CCDC134: variants seen among roughly 807,000 people sequenced by gnomAD.
CCDC134 encodes coiled-coil domain containing 134, also known as coiled-coil domain-containing protein 134.
In CCDC134, 27 loss-of-function variants were observed where a neutral mutation model predicts 25.6. The observed-to-expected ratio is 1.05, with a 90% CI of 0.78 to 1.45. The LOEUF (loss-of-function observed/expected upper bound fraction) is 1.45, where lower values mean the gene tolerates loss of function less well. Among genes scored for constraint, CCDC134 ranks in the 40% most tolerant of loss-of-function variants. The pLI is 0.00. For synonymous variants in CCDC134, 110 were observed against 115.0 expected (o/e 0.96, Z 0.28); for missense variants, 261 against 286.7 (o/e 0.91, Z 0.65).
At chr22:41,805,090 G>C (rs1251910447) in intron 1 of CCDC134, among the ~76,000 whole-genome samples, 1 of 151,896 alleles carries the variant, frequency 6.6e-6, no homozygotes, top group South Asian at 2.1e-4. Context: ...AAAAGAGAGA[G>C]AGCAAAGTCT....
At position 41,809,991 on chromosome 22, in the gene CCDC134, G is replaced by T. The variant is rs2076586596; in HGVS notation, c.216G>T (p.Gly72=). ...QYKILDVMLK[G]LFKVLEDSRT... ...AGATCCTTGATGTCATGCTCAAGGG[G>T]CTCTTTAAGGTGTGTGCAGGCAGGG... is the stretch of plus-strand genomic sequence containing the variant. The change falls in exon 3 of 7, where the codon GGG becomes GGT. Residue 72 remains glycine (G), a synonymous_variant. Coordinates refer to ENST00000255784, the MANE Select transcript of CCDC134 (RefSeq NM_024821.5). 6.2e-7 allele frequency: 1 copy of T among 1,614,000 alleles called. No homozygotes were observed. The highest frequency in any genetic ancestry group is 8.5e-7 in the Non-Finnish European group (1 of 1,180,026).
intron 6 of CCDC134, among the ~76,000 whole-genome samples, chr22:41,821,015 C>T (rs1047577451): frequency 2.0e-5 from 3 of 152,066 alleles, no homozygotes; most frequent in Non-Finnish European, 2.9e-5. Context: ...GAGGAAGCAG[C>T]GAGAACCCGC....
At position 41,808,952 on chromosome 22, in the gene CCDC134, C is replaced by T. The variant is rs1602236340; in HGVS notation, c.62C>T (p.Thr21Ile). Residue 21 changes from threonine (T) to isoleucine (I), a missense_variant, in exon 2 of 7, where the codon ACA becomes ATA. Coordinates refer to ENST00000255784, the MANE Select transcript of CCDC134 (RefSeq NM_024821.5). Reference sequence around the variant, plus strand: ...CTGCTTTTGTCTGGGATGGGAGCCACAGGCACCTTGAGGACCTCCCTGGAC... The same window carrying T: ...CTGCTTTTGTCTGGGATGGGAGCCATAGGCACCTTGAGGACCTCCCTGGAC... ...FVLLLSGMGA[T>I]GTLRTSLDPS... The T allele has an allele frequency of 1.9e-6, 3 of 1,614,212 alleles. No individual in the cohort carries two copies. Among genetic ancestry groups the T allele is most frequent in the African/African-American group, 2.7e-5 (2 of 75,056 alleles).
rs1411463034 is a variant in CCDC134 at position 41,825,588 on chromosome 22, G to C, written c.565-110G>C. On this transcript the variant is annotated intron_variant, in intron 6 of 6. Coordinates refer to ENST00000255784, the MANE Select transcript of CCDC134 (RefSeq NM_024821.5). The surrounding 1 kb of genome is among the most constrained non-coding windows in gnomAD (Gnocchi z 4.4). Reference sequence around the variant, plus strand: ...ATTTCCTGTCTCCGTGTCTGGGGCAGGGCCTGTGTCCAGGGAACCTTCCTA... The same window carrying C: ...ATTTCCTGTCTCCGTGTCTGGGGCACGGCCTGTGTCCAGGGAACCTTCCTA... 7.9e-6 allele frequency: 11 copies of C among 1,388,176 alleles called. No individual in the cohort carries two copies. Among genetic ancestry groups the C allele is most frequent in the Middle Eastern group, 2.1e-4 (1 of 4,770 alleles). 86.0% of individuals were successfully genotyped at this position (1,388,176 alleles called of 1,614,324 possible).
rs760084688 is a variant in CCDC134 at position 41,813,466 on chromosome 22, G to A, written c.492+21G>A. 1.7e-5 allele frequency: 28 copies of A among 1,613,780 alleles called. 1 individual carries two copies. The highest frequency in any genetic ancestry group is 1.7e-4 in the Middle Eastern group (1 of 6,054). ...GCCTGGTAAGGACTGGGGTGGAGGT[G>A]GCCCGGGAGCCCTCTGTCGGGTAGT... On this transcript the variant is annotated intron_variant, in intron 5 of 6. Coordinates refer to ENST00000255784, the MANE Select transcript of CCDC134 (RefSeq NM_024821.5).
chr22:41,810,226 C>T lies in CCDC134; in HGVS notation c.245C>T (p.Thr82Ile), dbSNP rs779304497. 3 of 1,614,076 alleles carry T rather than the reference C, an allele frequency of 1.9e-6. No homozygotes were observed. Among genetic ancestry groups the T allele is most frequent in the South Asian group, 2.2e-5 (2 of 91,090 alleles). Residue 82 changes from threonine to isoleucine, a missense_variant, in exon 4 of 7, where the codon ACA becomes ATA. Physicochemically the swap from Thr to Ile is moderately conservative, Grantham distance 89. Transcript: ENST00000255784. The stretch of plus-strand genomic sequence containing the variant: ...CCTCAGGTGCTGGAGGACTCCCGGA[C>T]AGTGCTCACCGCTGCTGATGTGCTC... ...GLFKVLEDSR[T>I]VLTAADVLPD...
At position 41,805,518 on chromosome 22, in the gene CCDC134, T is replaced by A. The variant is rs543489571; in HGVS notation, c.-16-3357T>A. Among the ~76,000 whole-genome samples, 4 of 152,384 alleles carry A rather than the reference T, an allele frequency of 2.6e-5. No individual in the cohort carries two copies. In the South Asian group the frequency reaches 8.3e-4, roughly 32 times the overall value. On this transcript the variant is annotated intron_variant, in intron 1 of 6. Coordinates refer to ENST00000255784, the MANE Select transcript of CCDC134 (RefSeq NM_024821.5). ...GAGAAAAAGTAAATGTTTCCACCTC[T>A]CTTTACAAAAGTATTTCTTATGGAA...
At chr22:41,813,706 GACT>G in intron 5 of CCDC134, 42 bp from the exon 6 acceptor site, 1 of 1,573,514 alleles carries the variant, frequency 6.4e-7, no homozygotes, top group Non-Finnish European at 8.7e-7. Context: ...TGGTGAGCAG[GACT>G]CAGGAGAAGG....
intron 1 of CCDC134, among the ~76,000 whole-genome samples, chr22:41,807,913 C>G (rs1325060163): frequency 1.3e-5 from 2 of 151,970 alleles, no homozygotes; most frequent in African/African-American, 4.8e-5. Flanking sequence ...TGAATCCCAG[C>G]ACTTTGGGAG....
intron 1 of CCDC134, among the ~76,000 whole-genome samples, chr22:41,806,466 C>T (rs573801876): frequency 6.6e-6 from 1 of 151,918 alleles, no homozygotes; most frequent in East Asian, 1.9e-4. Context: ...GTGATCCGCC[C>T]ACCTCGGCCT....
chr22:41,821,737 G>A (rs1224023505), intron 6 of CCDC134, among the ~76,000 whole-genome samples: 1 of 152,186 alleles, frequency 6.6e-6, no homozygotes, highest in Non-Finnish European at 1.5e-5. Flanking sequence ...TGGAGGAGGT[G>A]AGGAGGGGTG....
At chr22:41,810,548 TACAGTG>T (rs2076590653) in intron 4 of CCDC134, among the ~76,000 whole-genome samples, 1 of 140,120 alleles carries the variant, frequency 7.1e-6, no homozygotes, top group South Asian at 2.2e-4. Context: ...CAGGCTGGAG[TACAGTG>T]GTGTGATCTC....
At chr22:41,811,965 T>C (rs925572957) in intron 4 of CCDC134, among the ~76,000 whole-genome samples, 1 of 152,212 alleles carries the variant, frequency 6.6e-6, no homozygotes, top group Non-Finnish European at 1.5e-5. Context: ...AGCAGGCTGT[T>C]TTCCTACAGC....
rs2076686888 is a variant in CCDC134 at position 41,827,838 on chromosome 22, C to T, written c.*2015C>T. On this transcript the variant is annotated 3_prime_UTR_variant, in exon 7 of 7. Coordinates refer to ENST00000255784, the MANE Select transcript of CCDC134 (RefSeq NM_024821.5). ...AGCAGCTGGAGCTGGGTGTCAGGAC[C>T]AGCCCGCAAGCTCTTCCCTGCCGGA... Among the ~76,000 whole-genome samples the T allele has an allele frequency of 1.3e-5, 2 of 152,180 alleles. No homozygotes were observed. Among genetic ancestry groups the T allele is most frequent in the Admixed American group, 6.5e-5 (1 of 15,272 alleles).
In CCDC134 at chr22:41,825,813, C is replaced by A. The variant is rs1255361555; in HGVS notation, c.680C>A (p.Ser227Tyr). 6.8e-6 allele frequency: 11 copies of A among 1,614,024 alleles called. No homozygotes were observed. Among genetic ancestry groups the A allele is most frequent in the Non-Finnish European group, 9.3e-6 (11 of 1,179,986 alleles). Residue 227 changes from serine to tyrosine, a missense_variant, in exon 7 of 7, where the codon TCT becomes TAT. By Grantham distance (144) the Ser-to-Tyr change is moderately radical. Coordinates refer to ENST00000255784, the MANE Select transcript of CCDC134 (RefSeq NM_024821.5). This position sits in a 1 kb window ranked among gnomAD's most constrained non-coding sequence, Gnocchi z 4.4. ...GGCCCAAGGATCTCCAGATCCCAGT[C>A]TGAGTTATAGCCCTGGAGCAGCTCA... is the stretch of plus-strand genomic sequence containing the variant. ...RKGPRISRSQ[S>Y]EL is the part of the protein sequence containing the mutation.
intron 1 of CCDC134, among the ~76,000 whole-genome samples, chr22:41,807,244 G>T (rs991205379): frequency 6.6e-6 from 1 of 152,128 alleles, no homozygotes; most frequent in East Asian, 1.9e-4. Context: ...GTGTCAGGCC[G>T]TAACAGCAGA....
In CCDC134 at chr22:41,810,228, G is replaced by T; in HGVS notation, c.247G>T (p.Val83Leu). The T allele has an allele frequency of 1.2e-6, 2 of 1,614,080 alleles. No homozygotes were observed. The highest frequency in any genetic ancestry group is 1.7e-6 in the Non-Finnish European group (2 of 1,179,988). Residue 83 changes from valine to leucine, a missense_variant, in exon 4 of 7, where the codon GTG (valine) becomes TTG (leucine). Physicochemically the swap from Val to Leu is conservative, Grantham distance 32 (BLOSUM62 1). Coordinates refer to ENST00000255784, the MANE Select transcript of CCDC134 (RefSeq NM_024821.5). ...LFKVLEDSRT[V>L]LTAADVLPDG... is the part of the protein sequence containing the mutation. The stretch of plus-strand genomic sequence containing the variant: ...TCAGGTGCTGGAGGACTCCCGGACA[G>T]TGCTCACCGCTGCTGATGTGCTCCC...
At position 41,826,010 on chromosome 22, in the gene CCDC134, C is replaced by G. The variant is rs998037315; in HGVS notation, c.*187C>G. ...ACTGAGCCTCAGATGGCTGGATTTT[C>G]TCTCAGGGGCCTCCTGCTGAAGGGG... On this transcript the variant is annotated 3_prime_UTR_variant, in exon 7 of 7. Coordinates refer to ENST00000255784, the MANE Select transcript of CCDC134 (RefSeq NM_024821.5). 2.4e-5 allele frequency: 17 copies of G among 706,662 alleles called. No homozygotes were observed. The highest frequency in any genetic ancestry group is 1.2e-5 in the Non-Finnish European group (5 of 424,996). 43.8% of individuals were successfully genotyped at this position (706,662 alleles called of 1,614,324 possible).
At chr22:41,811,799 T>C (rs772066640) in intron 4 of CCDC134, among the ~76,000 whole-genome samples, 2 of 152,234 alleles carry the variant, frequency 1.3e-5, no homozygotes, top group Non-Finnish European at 2.9e-5. Flanking sequence ...GGCTTTCGTG[T>C]GAAACTTGTG....
Sources: gnomAD v4.1 joint callset for allele counts (sites outside exome capture counted in the v4.1 genomes callset) on GRCh38, gnomAD v4.1.1 for gene constraint, Gnocchi (gnomAD v3.1) non-coding constraint, MANE v1.5 for transcripts, NCBI Gene and HGNC (gene_info 2026-07-23, HGNC 2026-07-21) for gene names.